TMEM234: variants seen among roughly 807,000 people sequenced by gnomAD.
TMEM234 encodes the protein chromosome 1 open reading frame 91.
Under a neutral mutation model 17.8 loss-of-function variants are expected in TMEM234, and 21 were observed. That is an observed-to-expected ratio of 1.18 (90% CI 0.84 to 1.70). The LOEUF (loss-of-function observed/expected upper bound fraction) is 1.70. TMEM234 is among the 40% of genes most tolerant of loss of function. The pLI is 0.00. For synonymous variants in TMEM234, 83 were observed against 73.5 expected, an observed-to-expected ratio of 1.13 and a Z score of -0.66; for missense variants, 137 against 166.9, an observed-to-expected ratio of 0.82 and a Z score of 0.99.
At chr1:32,221,221 T>G (rs1184348496) in intron 2 of TMEM234, 24 bp from the exon 3 acceptor site, 1 of 1,591,338 alleles carries the variant, frequency 6.3e-7, no homozygotes, top group Middle Eastern at 1.7e-4. Context: ...AAACCTGCAG[T>G]CAGTGTGATG....
At chr1:32,221,026 TCTCA>T (rs1422315230) in intron 3 of TMEM234, 101 bp downstream of exon 3, 5 of 861,174 alleles carry the variant, frequency 5.8e-6, no homozygotes, top group Non-Finnish European at 1.9e-6. Context: ...GTCAGCCCTC[TCTCA>T]CTGATGGGAA....
chr1:32,219,624 C>T (rs1638711786), intron 3 of TMEM234, among the ~76,000 whole-genome samples: 1 of 152,190 alleles, frequency 6.6e-6, no homozygotes, highest in South Asian at 2.1e-4. Flanking sequence ...CTGCCCACCT[C>T]AGCCTCCAAA....
downstream of TMEM234, chr1:32,215,926 G>T (rs373286927): frequency 1.7e-5 from 26 of 1,522,476 alleles, no homozygotes; most frequent in African/African-American, 2.8e-4. Context: ...GGCAACTGGG[G>T]ACCACTACTC....
In TMEM234 at chr1:32,221,922, G is replaced by A. The variant is rs758875906; in HGVS notation, c.113C>T (p.Pro38Leu). ...ASAGLQRVHEPTWAQQLLQEM... is the reference protein window; with the variant it reads ...ASAGLQRVHELTWAQQLLQEM... The stretch of plus-strand genomic sequence containing the variant: ...CTGTAGCAACTGCTGGGCCCAGGTC[G>A]GCTCATGAACCCGCTGCAGGCCGGC... Residue 38 changes from proline (P) to leucine (L), a missense_variant, in exon 2 of 5, where the codon CCG becomes CTG. Pro to Leu is a moderately conservative substitution (Grantham distance 98, BLOSUM62 -3). Coordinates refer to ENST00000309777, the MANE Select transcript of TMEM234 (RefSeq NM_019118.5). The A allele has an allele frequency of 4.2e-5, 67 of 1,613,252 alleles. No individual in the cohort carries two copies. The highest frequency in any genetic ancestry group is 5.6e-5 in the Non-Finnish European group (66 of 1,179,988).
chr1:32,222,018 C>T lies in TMEM234; in HGVS notation c.17G>A (p.Gly6Glu). Residue 6 changes from glycine (G) to glutamate (E), a missense_variant and splice_region_variant, in exon 2 of 5, where the codon GGG (glycine) becomes GAG (glutamate). By Grantham distance (98) the Gly-to-Glu change is moderately conservative (BLOSUM62 -2). Coordinates refer to ENST00000309777, the MANE Select transcript of TMEM234 (RefSeq NM_019118.5). MAASL[G>E]QVLALVLVAA... ...CACCAGCACCAGAGCCAACACCTGC[C>T]CTGAATGCAGACGAGTGAGTCACCC... is the stretch of plus-strand genomic sequence containing the variant. 6.2e-7 allele frequency: 1 copy of T among 1,609,642 alleles called. No individual in the cohort carries two copies.
intron 3 of TMEM234, 67 bp downstream of exon 3, chr1:32,221,064 G>GCC (rs892587170): frequency 7.5e-7 from 1 of 1,326,106 alleles, no homozygotes; most frequent in Admixed American, 1.8e-5. Flanking sequence ...GCTCCACCCC[G>GCC]CCCCCCCCAA....
intron 3 of TMEM234, among the ~76,000 whole-genome samples, chr1:32,217,928 A>T (rs1377277988): frequency 1.3e-5 from 2 of 152,248 alleles, no homozygotes. Flanking sequence ...AGAACATCAG[A>T]TGAAGCACAT....
chr1:32,222,214 G>T, intron 1 of TMEM234, 93 bp downstream of exon 1: 5 of 1,509,160 alleles, frequency 3.3e-6, no homozygotes, highest in Non-Finnish European at 3.6e-6. Context: ...TGGGGTTGTA[G>T]CAGGGGTCGG....
chr1:32,222,201 C>T, intron 1 of TMEM234, 106 bp downstream of exon 1: 1 of 1,506,026 alleles, frequency 6.6e-7, no homozygotes, highest in East Asian at 2.3e-5. Flanking sequence ...GGAGTCCGGC[C>T]TCTGGGGTTG....
chr1:32,221,999 C>T lies in TMEM234; in HGVS notation c.36G>A (p.Val12=), dbSNP rs530954841. The T allele has an allele frequency of 1.9e-6, 3 of 1,611,964 alleles. No individual in the cohort carries two copies. The highest frequency in any genetic ancestry group is 2.7e-5 in the African/African-American group (2 of 75,020). Reference sequence around the variant, plus strand: ...TGCCACCCCACAGAGCGGCCACCAGCACCAGAGCCAACACCTGCCCTGAAT... The same window carrying T: ...TGCCACCCCACAGAGCGGCCACCAGTACCAGAGCCAACACCTGCCCTGAAT... ...AASLGQVLAL[V]LVAALWGGTQ... is the part of the protein sequence containing the mutation. The change falls in exon 2 of 5, where the codon GTG becomes GTA. Residue 12 remains valine, a synonymous_variant. Coordinates refer to ENST00000309777, the MANE Select transcript of TMEM234 (RefSeq NM_019118.5).
downstream of TMEM234, chr1:32,215,211 A>C (rs1287570977): frequency 3.9e-5 from 23 of 585,752 alleles, no homozygotes; most frequent in Admixed American, 1.0e-4. Flanking sequence ...ACATGAAAAG[A>C]AGCACCTGGA....
chr1:32,216,719 T>C lies in TMEM234; in HGVS notation c.*134A>G. On this transcript the variant is annotated 3_prime_UTR_variant, in exon 5 of 5. Coordinates refer to ENST00000309777, the MANE Select transcript of TMEM234 (RefSeq NM_019118.5). The stretch of plus-strand genomic sequence containing the variant: ...TGTTCTCTTATTGTGATCCATGAGG[T>C]AGCTGTTATCCCCATAAGAGAGGAG... The C allele has an allele frequency of 6.7e-7, 1 of 1,502,086 alleles. No homozygotes were observed. Among genetic ancestry groups the C allele is most frequent in the Non-Finnish European group, 8.9e-7 (1 of 1,121,278 alleles). The allele number at this position is 1,502,086 out of a possible 1,614,324, so 93.0% of individuals were successfully genotyped here.
chr1:32,216,628 TAG>T lies in TMEM234; in HGVS notation c.*223_*224del. On this transcript the variant is annotated 3_prime_UTR_variant, in exon 5 of 5. Transcript: ENST00000309777. ...GCAGAAAGGTTGCTGAGGGTGAGCG[TAG>T]AGTCTCCTGTGCTAAATCCCCGCAG... 3.9e-6 allele frequency: 6 copies of T among 1,527,776 alleles called. No homozygotes were observed. Among genetic ancestry groups the T allele is most frequent in the Non-Finnish European group, 4.4e-6 (5 of 1,132,266 alleles). 94.6% of individuals were successfully genotyped at this position (1,527,776 alleles called of 1,614,324 possible).
intron 2 of TMEM234, among the ~76,000 whole-genome samples, chr1:32,221,622 C>T (rs1638917417): frequency 6.6e-6 from 1 of 152,170 alleles, no homozygotes; most frequent in East Asian, 1.9e-4. Context: ...AGATTGAGCA[C>T]TTACTATGTT....
At chr1:32,217,389 C>A (rs372822820) in intron 3 of TMEM234, 38 bp from the exon 4 acceptor site, 598 of 1,593,046 alleles carry the variant, frequency 3.8e-4, no homozygotes, top group Non-Finnish European at 4.9e-4. Flanking sequence ...TGAGATGCAA[C>A]AAATGCCTTT....
intron 3 of TMEM234, 56 bp from the exon 4 acceptor site, chr1:32,217,407 C>A (rs1638496750): frequency 1.9e-6 from 3 of 1,589,296 alleles, no homozygotes; most frequent in Non-Finnish European, 1.7e-6. Flanking sequence ...TTTCTAGGCA[C>A]AAAACACTTC....
downstream of TMEM234, chr1:32,215,572 T>C (rs752233679): frequency 1.9e-6 from 3 of 1,603,158 alleles, no homozygotes; most frequent in South Asian, 1.1e-5. Flanking sequence ...AAACAGTATG[T>C]TGGGGTGGGA....
At chr1:32,216,129 C>T (rs1569787148), downstream of TMEM234, 11 of 678,466 alleles carry the variant, frequency 1.6e-5, no homozygotes, top group East Asian at 3.0e-4. Flanking sequence ...ATTCTCTGGC[C>T]AGAGAAAGGA....
rs147622807 is a variant in TMEM234 at position 32,219,305 on chromosome 1, G to A, written c.235+1826C>T. ...AACTGTCCTGCTCCTCATCCCCTGG[G>A]AGGCCCCAGCATGGAGGCATTACCC... On this transcript the variant is annotated intron_variant, in intron 3 of 4. Coordinates refer to ENST00000309777, the MANE Select transcript of TMEM234 (RefSeq NM_019118.5). Among the ~76,000 whole-genome samples the A allele has an allele frequency of 4.9e-4, 75 of 152,288 alleles. 1 individual carries two copies. The highest frequency in any genetic ancestry group is 1.4e-3 in the African/African-American group (57 of 41,578).
Sources: gnomAD v4.1 joint callset for allele counts (sites outside exome capture counted in the v4.1 genomes callset) on GRCh38, gnomAD v4.1.1 for gene constraint, MANE v1.5 for transcripts, NCBI Gene and HGNC (gene_info 2026-07-23, HGNC 2026-07-21) for gene names.